The following MICAL2 variants were observed in gnomAD, a reference collection of about 807,000 sequenced individuals.
The protein encoded by MICAL2 is microtubule associated monooxygenase, calponin and LIM domain containing 2, also known as [F-actin]-monooxygenase MICAL2.
MICAL2 carries 77 observed loss-of-function variants against 127.3 expected under a neutral mutation model. The ratio of observed to expected loss-of-function variants is 0.60; its 90% CI spans 0.50 to 0.73. The LOEUF (loss-of-function observed/expected upper bound fraction) is 0.73. Among genes scored for constraint, MICAL2 ranks in the 30% least tolerant of loss-of-function variants. MICAL2 has a pLI of 0.00. For synonymous variants in MICAL2, 570 were observed against 551.1 expected, an observed-to-expected ratio of 1.03 and a Z score of -0.48; for missense variants, 1,351 against 1,434.4, an observed-to-expected ratio of 0.94 and a Z score of 0.94.
At chr11:12,115,874 A>G (rs1317600520) in intron 1 of MICAL2, among the ~76,000 whole-genome samples, 1 of 152,172 alleles carries the variant, frequency 6.6e-6, no homozygotes, top group African/African-American at 2.4e-5. Context: ...ATGCAGATAA[A>G]GCCCCAGCAC....
intron 32 of MICAL2, among the ~76,000 whole-genome samples, chr11:12,340,842 A>G (rs1938852544): frequency 6.6e-6 from 1 of 152,232 alleles, no homozygotes; most frequent in Non-Finnish European, 1.5e-5. Context: ...TTTTGTTTCT[A>G]AAGAATATAC....
intron 1 of MICAL2, among the ~76,000 whole-genome samples, chr11:12,118,389 C>A (rs1850219838): frequency 6.6e-6 from 1 of 152,204 alleles, no homozygotes; most frequent in African/African-American, 2.4e-5. Flanking sequence ...CCCTGTGGAT[C>A]CTTCCAGACA....
At chr11:12,130,753 C>T (rs1851346857) in intron 1 of MICAL2, among the ~76,000 whole-genome samples, 1 of 152,122 alleles carries the variant, frequency 6.6e-6, no homozygotes, top group Non-Finnish European at 1.5e-5. Flanking sequence ...TTCTTAAGTG[C>T]ACATGGCAGC....
intron 31 of MICAL2, among the ~76,000 whole-genome samples, chr11:12,326,924 G>A (rs904033026): frequency 2.0e-5 from 3 of 152,186 alleles, no homozygotes; most frequent in South Asian, 2.1e-4. Flanking sequence ...TGTCTAAGGG[G>A]ACTGTTTTAA....
chr11:12,193,184 G>A (rs189174954), intron 3 of MICAL2, among the ~76,000 whole-genome samples: 5 of 152,288 alleles, frequency 3.3e-5, no homozygotes, highest in African/African-American at 9.6e-5. Context: ...TCTATAGGGC[G>A]AGAGACTTCA....
intron 2 of MICAL2, among the ~76,000 whole-genome samples, chr11:12,159,973 G>A (rs1854592498): frequency 6.6e-6 from 1 of 152,212 alleles, no homozygotes; most frequent in African/African-American, 2.4e-5. Context: ...GTTGCTGAGT[G>A]TCATAGACCG....
intron 3 of MICAL2, among the ~76,000 whole-genome samples, chr11:12,179,080 G>A (rs1857151397): frequency 6.6e-6 from 1 of 152,046 alleles, no homozygotes; most frequent in Non-Finnish European, 1.5e-5. Context: ...TCCCAAGCAC[G>A]GCTCAGATTG....
At chr11:12,286,915 T>C (rs117889701) in intron 2 of MICAL2, 5,191 of 385,976 alleles carry the variant, frequency 0.013, 68 homozygotes, top group Non-Finnish European at 0.016. Flanking sequence ...TGGTAGAGTG[T>C]GTTGTGGGGA....
intron 3 of MICAL2, among the ~76,000 whole-genome samples, chr11:12,171,627 C>A (rs116345609): frequency 1.3e-5 from 2 of 152,164 alleles, no homozygotes; most frequent in Non-Finnish European, 2.9e-5. Context: ...TGTTCTCCTG[C>A]GCTGAATTTG....
chr11:12,244,735 T>A (rs1048289341), intron 21 of MICAL2, among the ~76,000 whole-genome samples: 2 of 152,162 alleles, frequency 1.3e-5, no homozygotes, highest in Non-Finnish European at 2.9e-5. Flanking sequence ...GGGGCTAGCC[T>A]GTGCAAAGGC....
At chr11:12,327,359 G>A (rs1864366170) in intron 32 of MICAL2, 2 of 1,028,778 alleles carry the variant, frequency 1.9e-6, no homozygotes, top group Non-Finnish European at 2.8e-6. Context: ...TCACCTGCTG[G>A]AGATCTGTCA....
intron 21 of MICAL2, among the ~76,000 whole-genome samples, chr11:12,248,191 T>C (rs1219745278): frequency 3.3e-5 from 5 of 152,154 alleles, no homozygotes; most frequent in African/African-American, 7.2e-5. Flanking sequence ...GATATTCCAC[T>C]TTAAAATTCA....
intron 2 of MICAL2, 190 bp from the exon 3 acceptor site, chr11:12,161,889 A>C: frequency 4.0e-6 from 2 of 503,900 alleles, no homozygotes; most frequent in Non-Finnish European, 3.6e-6. Context: ...GATTACCTGC[A>C]ATGCCACATC....
chr11:12,250,688 A>G (rs1396994737), intron 22 of MICAL2, among the ~76,000 whole-genome samples: 1 of 152,236 alleles, frequency 6.6e-6, no homozygotes, highest in Non-Finnish European at 1.5e-5. Flanking sequence ...AGAGATATTT[A>G]AAGGGTTGCA....
At chr11:12,272,150 G>T (rs956553568), upstream of MICAL2, among the ~76,000 whole-genome samples, 4 of 152,156 alleles carry the variant, frequency 2.6e-5, no homozygotes, top group Non-Finnish European at 5.9e-5. Context: ...TTTGGTCTGG[G>T]CTCTGAGGCG....
At chr11:12,342,172 T>G (rs993340856) in intron 32 of MICAL2, among the ~76,000 whole-genome samples, 6 of 152,230 alleles carry the variant, frequency 3.9e-5, no homozygotes. Flanking sequence ...GCCATTCTAT[T>G]CACAGGCAGA....
Position 12,255,616 on chromosome 11 carries a change from G to C in MICAL2, c.2848-27G>C. 1.9e-6 allele frequency: 3 copies of C among 1,608,036 alleles called. No individual in the cohort carries two copies. The South Asian group carries it at 3.3e-5, about 18-fold the overall frequency. ...CTAACTGGCCTCTACCTTTGTCTCT[G>C]TCTCCTCTGCCTCTGCTCTTGGTTA... On this transcript the variant is annotated intron_variant, in intron 22 of 27. Coordinates refer to ENST00000683283, the MANE Select transcript of MICAL2 (RefSeq NM_001282663.2).
At chr11:12,120,561 G>T (rs1011770847) in intron 1 of MICAL2, among the ~76,000 whole-genome samples, 5 of 152,212 alleles carry the variant, frequency 3.3e-5, no homozygotes, top group South Asian at 2.1e-4. Flanking sequence ...CCCACAGTAG[G>T]GGGGAACCAG....
downstream of MICAL2, chr11:12,293,722 C>A: frequency 1.2e-6 from 2 of 1,614,008 alleles, no homozygotes; most frequent in Non-Finnish European, 1.7e-6. Flanking sequence ...GCCTGGTGAG[C>A]CCTGGTGAAG....
Sources: gnomAD v4.1 joint callset for allele counts (sites outside exome capture counted in the v4.1 genomes callset) on GRCh38, gnomAD v4.1.1 for gene constraint, MANE v1.5 for transcripts, NCBI Gene and HGNC (gene_info 2026-07-23, HGNC 2026-07-21) for gene names.